Variants in ZC3H4 observed in about 807,000 individuals in gnomAD.
ZC3H4 encodes zinc finger CCCH domain-containing protein 4.
A neutral mutation model predicts 108.3 loss-of-function variants in ZC3H4; 13 were observed. That is an observed-to-expected ratio of 0.12 (90% CI 0.08 to 0.19). The LOEUF (loss-of-function observed/expected upper bound fraction) is 0.19, where lower values mean the gene tolerates loss of function less well. Ranked by LOEUF, ZC3H4 falls within the 10% of genes least tolerant of loss-of-function variation. The probability of loss-of-function intolerance (pLI) is 1.00; values close to 1 mark genes in which losing one functional copy is unlikely to be tolerated. For synonymous variants in ZC3H4, 917 were observed against 749.6 expected (o/e 1.22, Z -3.65); for missense variants, 1,734 against 1,838.8 (o/e 0.94, Z 1.04).
rs1013852313 is a variant in ZC3H4, at chr19:47,112,561, G to A, written c.24C>T (p.Pro8=). MEAAPGT[P]PPPPSESPPP... ...GCGGCGACTCTGATGGCGGCGGCGG[G>A]GGGGTCCCGGGCGCGGCCTCCATAG... Residue 8 remains proline, a synonymous_variant, in exon 2 of 15, where the codon CCC becomes CCT. Transcript: ENST00000253048. 154 of 1,036,736 alleles carry A rather than the reference G, an allele frequency of 1.5e-4. 5 individuals are homozygous for A. The highest frequency in any genetic ancestry group is 1.8e-4 in the Non-Finnish European group (144 of 804,882). The allele number at this position is 1,036,736 out of a possible 1,614,324, so 64.2% of individuals were successfully genotyped here. A position where few individuals can be genotyped will look rare whatever the true frequency, so the allele number is the denominator to read the frequency against.
chr19:47,112,857 C>G (rs1341628843), intron 1 of ZC3H4, among the ~76,000 whole-genome samples: 1 of 152,154 alleles, frequency 6.6e-6, no homozygotes, highest in African/African-American at 2.4e-5. Flanking sequence ...CCCACGCACC[C>G]CCGGGGGGCG....
chr19:47,089,846 T>G (rs1437345403), intron 5 of ZC3H4, 121 bp downstream of exon 5: 1 of 1,013,918 alleles, frequency 9.9e-7, no homozygotes, highest in African/African-American at 1.6e-5. Context: ...AGCCTGGCCC[T>G]TCTTTGTACA....
At chr19:47,103,439 G>C (rs2057928198) in intron 2 of ZC3H4, among the ~76,000 whole-genome samples, 1 of 152,102 alleles carries the variant, frequency 6.6e-6, no homozygotes, top group African/African-American at 2.4e-5. Context: ...AAGTAGATGG[G>C]ACTACAAGCA....
At position 47,072,052 on chromosome 19, in the gene ZC3H4, C is replaced by T. The variant is rs1206860145; in HGVS notation, c.1872G>A (p.Met624Ile). 1.9e-6 allele frequency: 3 copies of T among 1,584,602 alleles called. No homozygotes were observed. Among genetic ancestry groups the T allele is most frequent in the Admixed American group, 3.7e-5 (2 of 54,776 alleles). Residue 624 changes from methionine (M) to isoleucine (I), a missense_variant, in exon 13 of 15, where the codon ATG (methionine) becomes ATA (isoleucine). Physicochemically the swap from Met to Ile is conservative, Grantham distance 10 (BLOSUM62 1). Coordinates refer to ENST00000253048, the MANE Select transcript of ZC3H4 (RefSeq NM_015168.2). This position sits in a 1 kb window ranked among gnomAD's most constrained non-coding sequence, Gnocchi z 5.6. ...GCATGTCAGGATGCATTGGACCGCC[C>T]ATTGGCCCTGGGGGTCCCATGTTGG... ...PGPNMGPPGP[M>I]GGPMHPDMHP...
intron 5 of ZC3H4, among the ~76,000 whole-genome samples, chr19:47,088,504 C>T (rs1409076649): frequency 1.3e-5 from 2 of 151,556 alleles, no homozygotes; most frequent in Non-Finnish European, 2.9e-5. Context: ...GCCGAGATCG[C>T]GCCATTGCAC....
intron 4 of ZC3H4, among the ~76,000 whole-genome samples, chr19:47,092,840 A>AAATAAATG (rs2057758678): frequency 6.6e-6 from 1 of 151,342 alleles, no homozygotes; most frequent in Non-Finnish European, 1.5e-5. Flanking sequence ...ATAAATAAAT[A>AAATAAATG]AATAAATAAA....
At chr19:47,109,778 G>A (rs1222248667) in intron 2 of ZC3H4, among the ~76,000 whole-genome samples, 1 of 152,212 alleles carries the variant, frequency 6.6e-6, no homozygotes, top group Non-Finnish European at 1.5e-5. Context: ...TTCTTTTGGA[G>A]AGGGCCAGGG....
intron 11 of ZC3H4, among the ~76,000 whole-genome samples, chr19:47,081,135 AC>A (rs1387742154): frequency 1.3e-5 from 2 of 152,098 alleles, no homozygotes; most frequent in Non-Finnish European, 2.9e-5. Context: ...CCTGAGCTCA[AC>A]TGATCCTCCT....
chr19:47,112,735 G>A (rs2123135565), intron 1 of ZC3H4, 146 bp from the exon 2 acceptor site: 1 of 441,624 alleles, frequency 2.3e-6, no homozygotes, highest in African/African-American at 2.0e-5. Flanking sequence ...CCTCCGCGTA[G>A]GCCGCACGGC....
intron 3 of ZC3H4, 72 bp from the exon 4 acceptor site, chr19:47,094,152 C>T: frequency 2.7e-6 from 4 of 1,462,594 alleles, no homozygotes; most frequent in Non-Finnish European, 3.8e-6. Flanking sequence ...AGCCTCAGGA[C>T]AAACTATGCT....
At chr19:47,106,555 T>C (rs943413081) in intron 2 of ZC3H4, among the ~76,000 whole-genome samples, 2 of 152,234 alleles carry the variant, frequency 1.3e-5, no homozygotes, top group Non-Finnish European at 2.9e-5. Context: ...GCCTGTGATC[T>C]AGCCACTGAG....
chr19:47,094,038 C>T lies in ZC3H4; in HGVS notation c.424G>A (p.Asp142Asn), dbSNP rs770888365. 1.2e-6 allele frequency: 2 copies of T among 1,614,150 alleles called. No individual in the cohort carries two copies. The highest frequency in any genetic ancestry group is 1.6e-4 in the Middle Eastern group (1 of 6,062). Residue 142 changes from aspartate (D) to asparagine (N), a missense_variant, in exon 4 of 15, where the codon GAC becomes AAC. By Grantham distance (23) the Asp-to-Asn change is conservative. Around this residue, in one of 9 missense-constraint regions of ZC3H4, gnomAD observed 403 missense variants for 457.0 expected, o/e 0.88. Coordinates refer to ENST00000253048, the MANE Select transcript of ZC3H4 (RefSeq NM_015168.2). ...SSDDFSDFSD[D>N]SDFSPSEKGH... ...TTCTCACTGGGGCTGAAATCCGAGT[C>T]ATCTGAGAAGTCAGAGAAGTCATCG...
intron 2 of ZC3H4, among the ~76,000 whole-genome samples, chr19:47,097,861 T>C (rs1045930453): frequency 3.3e-5 from 5 of 152,278 alleles, no homozygotes; most frequent in South Asian, 4.1e-4. Context: ...CAGGGAGCAC[T>C]CTATTCCCAG....
intron 4 of ZC3H4, among the ~76,000 whole-genome samples, chr19:47,092,400 G>T (rs1278688752): frequency 6.6e-6 from 1 of 152,180 alleles, no homozygotes. Flanking sequence ...CAGGTTTGAA[G>T]GCCAAACCTA....
At position 47,066,413 on chromosome 19, in the gene ZC3H4, T is replaced by C. The variant is rs1200322624; in HGVS notation, c.3855A>G (p.Ala1285=). ...AGCCTTTAAAAACATCCTTCAGGGATGCCGCATCCTGCTCACCCTCGCGGG... is the reference window on the plus strand; with the variant it reads ...AGCCTTTAAAAACATCCTTCAGGGACGCCGCATCCTGCTCACCCTCGCGGG... The part of the protein sequence containing the change: ...SPAREGEQDA[A]SLKDVFKGFD... The change falls in exon 15 of 15, where the codon GCA becomes GCG. Residue 1285 remains alanine (A), a synonymous_variant. Transcript: ENST00000253048. The C allele has an allele frequency of 4.5e-6, 7 of 1,570,676 alleles. No individual in the cohort carries two copies. Among genetic ancestry groups the C allele is most frequent in the South Asian group, 2.4e-5 (2 of 83,954 alleles).
intron 4 of ZC3H4, among the ~76,000 whole-genome samples, chr19:47,092,825 A>AATAT (rs2057758135): frequency 6.6e-6 from 1 of 151,274 alleles, no homozygotes; most frequent in South Asian, 2.1e-4. Context: ...TCAATAAATA[A>AATAT]ATAAATAAAT....
At chr19:47,097,912 G>A (rs1353582544) in intron 2 of ZC3H4, among the ~76,000 whole-genome samples, 3 of 152,174 alleles carry the variant, frequency 2.0e-5, no homozygotes, top group African/African-American at 7.2e-5. Context: ...CACTCGGTCC[G>A]CTGCCCAGAG....
intron 11 of ZC3H4, among the ~76,000 whole-genome samples, chr19:47,080,225 G>GA (rs1366345753): frequency 6.6e-6 from 1 of 152,192 alleles, no homozygotes; most frequent in East Asian, 1.9e-4. Flanking sequence ...GATGAATCAG[G>GA]AAACTCAGGA....
chr19:47,078,956 G>A (rs1188023284), intron 11 of ZC3H4, among the ~76,000 whole-genome samples: 5 of 150,964 alleles, frequency 3.3e-5, no homozygotes, highest in Non-Finnish European at 7.4e-5. Flanking sequence ...GAACCCAGAA[G>A]GCGAAGGTTG....
Sources: allele counts gnomAD v4.1 joint callset (sites outside exome capture counted in the v4.1 genomes callset), GRCh38; gene constraint gnomAD v4.1.1; regional missense constraint gnomAD v4.1.1; non-coding constraint Gnocchi (gnomAD v3.1); transcripts MANE v1.5; gene names NCBI Gene and HGNC (gene_info 2026-07-23, HGNC 2026-07-21).